SND1: variants seen among roughly 807,000 people sequenced by gnomAD.
SND1 encodes staphylococcal nuclease and tudor domain containing 1.
In SND1, 38 loss-of-function variants were observed where a neutral mutation model predicts 121.7. The observed-to-expected ratio is 0.31, with a 90% CI of 0.24 to 0.41. The LOEUF is 0.41. Ranked by LOEUF, SND1 falls within the 10% of genes least tolerant of loss-of-function variation. The pLI is 1.00. For missense variants in SND1, 868 were observed against 1,184.6 expected, an observed-to-expected ratio of 0.73 and a Z score of 3.92; for synonymous variants, 401 against 447.4, an observed-to-expected ratio of 0.90 and a Z score of 1.31.
chr7:127,711,924 CTT>C (rs1042147341), intron 9 of SND1, among the ~76,000 whole-genome samples: 35 of 151,076 alleles, frequency 2.3e-4, no homozygotes, highest in African/African-American at 6.5e-4. Context: ...AAAATCATCT[CTT>C]AGCTTTCTGC....
intron 16 of SND1, among the ~76,000 whole-genome samples, chr7:128,062,424 G>A (rs1173121150): frequency 6.6e-6 from 1 of 152,202 alleles, no homozygotes; most frequent in Non-Finnish European, 1.5e-5. Flanking sequence ...GGGCAAGGGA[G>A]TCCCTTCCTT....
chr7:127,814,160 C>T (rs886379421), intron 11 of SND1, among the ~76,000 whole-genome samples: 1 of 152,122 alleles, frequency 6.6e-6, no homozygotes, highest in South Asian at 2.1e-4. Context: ...TTGTCTTAAG[C>T]CACCCACTCC....
At chr7:127,958,199 T>C (rs753377713) in intron 15 of SND1, among the ~76,000 whole-genome samples, 13 of 152,188 alleles carry the variant, frequency 8.5e-5, no homozygotes, top group Non-Finnish European at 1.9e-4. Flanking sequence ...GGGAGCTTCT[T>C]CCCTGTCAAA....
intron 16 of SND1, among the ~76,000 whole-genome samples, chr7:127,994,541 C>T (rs1482708402): frequency 1.1e-5 from 1 of 90,450 alleles, no homozygotes; most frequent in Non-Finnish European, 2.0e-5. Flanking sequence ...ATGACGATCA[C>T]TTTTACTCAA....
chr7:127,990,950 T>C lies in SND1; in HGVS notation c.1673T>C (p.Ile558Thr). ...TTCTACTTTTCTCCTGACACAGGCATTGAATGCCCCAGAGGAGCCCGAAAC... is the reference window on the plus strand; with the variant it reads ...TTCTACTTTTCTCCTGACACAGGCACTGAATGCCCCAGAGGAGCCCGAAAC... ...TCLITFLLAGIECPRGARNLP... is the reference protein window; with the variant it reads ...TCLITFLLAGTECPRGARNLP... The change falls in exon 16 of 24, where the codon ATT (isoleucine) becomes ACT (threonine). Residue 558 changes from isoleucine to threonine, a missense_variant. This residue lies in a region of SND1 where 743 missense variants were observed against 1,071.3 expected (regional missense o/e 0.69). Coordinates refer to ENST00000354725, the MANE Select transcript of SND1 (RefSeq NM_014390.4). The C allele has an allele frequency of 6.2e-7, 1 of 1,612,740 alleles. No individual in the cohort carries two copies. Among genetic ancestry groups the C allele is most frequent in the Non-Finnish European group, 8.5e-7 (1 of 1,179,166 alleles).
chr7:127,714,744 AGTCT>A (rs1432020797), intron 9 of SND1, among the ~76,000 whole-genome samples: 1 of 152,206 alleles, frequency 6.6e-6, no homozygotes, highest in Non-Finnish European at 1.5e-5. Context: ...GAAATCAGAC[AGTCT>A]GTGTCTTTGT....
intron 14 of SND1, among the ~76,000 whole-genome samples, chr7:127,913,064 C>T (rs1017650933): frequency 5.9e-5 from 9 of 152,194 alleles, no homozygotes; most frequent in Admixed American, 2.6e-4. Flanking sequence ...CAGGGCACAG[C>T]TTCTTGTCCT....
intron 1 of SND1, among the ~76,000 whole-genome samples, chr7:127,684,915 A>G (rs957335146): frequency 1.2e-4 from 19 of 152,182 alleles, no homozygotes; most frequent in African/African-American, 4.3e-4. Context: ...GGAATGTACA[A>G]TTAAATATTG....
At chr7:127,919,201 T>C (rs1800648680) in intron 14 of SND1, among the ~76,000 whole-genome samples, 1 of 152,202 alleles carries the variant, frequency 6.6e-6, no homozygotes, top group African/African-American at 2.4e-5. Flanking sequence ...CATTTAGCCT[T>C]TACTAACATT....
chr7:128,019,923 A>T (rs1304265881), intron 16 of SND1, among the ~76,000 whole-genome samples: 1 of 152,102 alleles, frequency 6.6e-6, no homozygotes, highest in Admixed American at 6.5e-5. Context: ...ACACAACACT[A>T]GGAAGGCCAG....
At chr7:127,792,596 CAT>C (rs1483331902) in intron 10 of SND1, among the ~76,000 whole-genome samples, 1 of 152,108 alleles carries the variant, frequency 6.6e-6, no homozygotes, top group East Asian at 1.9e-4. Context: ...GAAAAGAAAA[CAT>C]ATAAGAACAT....
intron 14 of SND1, among the ~76,000 whole-genome samples, chr7:127,915,102 C>A (rs1297618073): frequency 6.6e-6 from 1 of 152,164 alleles, no homozygotes; most frequent in African/African-American, 2.4e-5. Flanking sequence ...ACTGCAACCT[C>A]TGCCTCCCAG....
At chr7:127,835,843 G>A (rs1798857329) in intron 11 of SND1, among the ~76,000 whole-genome samples, 1 of 152,076 alleles carries the variant, frequency 6.6e-6, no homozygotes, top group African/African-American at 2.4e-5. Context: ...AAAATTTGAT[G>A]TTTATATGTG....
intron 12 of SND1, among the ~76,000 whole-genome samples, chr7:127,848,316 AAAC>A (rs1163313700): frequency 3.1e-4 from 47 of 152,366 alleles, no homozygotes; most frequent in African/African-American, 1.1e-3. Flanking sequence ...TATGTAATTA[AAAC>A]AACAAGCACA....
chr7:128,058,180 G>A (rs1202849384), intron 16 of SND1, among the ~76,000 whole-genome samples: 2 of 152,266 alleles, frequency 1.3e-5, no homozygotes, highest in Non-Finnish European at 2.9e-5. Flanking sequence ...AAGGCCTGCA[G>A]TGTTCTCTTA....
At chr7:127,860,689 C>G (rs1444220905) in intron 12 of SND1, among the ~76,000 whole-genome samples, 3 of 152,178 alleles carry the variant, frequency 2.0e-5, no homozygotes, top group African/African-American at 7.2e-5. Context: ...TTTTAAAACA[C>G]CCTCCTAGAA....
chr7:127,874,445 A>G (rs1469600933), intron 12 of SND1, among the ~76,000 whole-genome samples: 2 of 152,160 alleles, frequency 1.3e-5, no homozygotes, highest in East Asian at 3.9e-4. Context: ...TTGAGTCCAG[A>G]GTCTAGGACA....
intron 16 of SND1, among the ~76,000 whole-genome samples, chr7:128,020,425 C>T (rs4731391): frequency 0.063 from 9,579 of 152,264 alleles, 865 homozygotes; most frequent in African/African-American, 0.2. Flanking sequence ...AGGTCGCGAA[C>T]CCAGAGACTA....
chr7:127,906,376 G>A (rs1054948622), intron 14 of SND1, among the ~76,000 whole-genome samples: 3 of 152,112 alleles, frequency 2.0e-5, no homozygotes, highest in African/African-American at 7.2e-5. Context: ...ACCCAGCTGA[G>A]TTATTCTTTG....
Sources: allele counts gnomAD v4.1 joint callset (sites outside exome capture counted in the v4.1 genomes callset), GRCh38; gene constraint gnomAD v4.1.1; regional missense constraint gnomAD v4.1.1; transcripts MANE v1.5; gene names NCBI Gene and HGNC (gene_info 2026-07-23, HGNC 2026-07-21).